CHIC2: variants seen among roughly 807,000 people sequenced by gnomAD.
CHIC2 encodes cysteine-rich hydrophobic domain-containing protein 2.
In CHIC2, 14 loss-of-function variants were observed where a neutral mutation model predicts 25.9. The ratio of observed to expected loss-of-function variants is 0.54; its 90% confidence interval spans 0.36 to 0.85. The LOEUF is 0.85. Ranked by LOEUF, CHIC2 falls within the 40% of genes least tolerant of loss-of-function variation. CHIC2 has a pLI of 0.01. For synonymous variants in CHIC2, 70 were observed against 72.0 expected (o/e 0.97, Z 0.14); for missense variants, 146 against 202.0 (o/e 0.72, Z 1.68).
chr4:54,025,577 G>A (rs988978686), intron 3 of CHIC2, among the ~76,000 whole-genome samples: 1 of 152,138 alleles, frequency 6.6e-6, no homozygotes, highest in Non-Finnish European at 1.5e-5. Flanking sequence ...AAGGGGTAAA[G>A]GCCGGGCGCA....
chr4:54,011,920 G>T (rs1715605386), intron 5 of CHIC2, among the ~76,000 whole-genome samples: 1 of 151,752 alleles, frequency 6.6e-6, no homozygotes, highest in South Asian at 2.1e-4. Flanking sequence ...GTAAGTTAAA[G>T]AAAAGTTGAA....
At chr4:54,051,734 T>C (rs1220558580) in intron 1 of CHIC2, among the ~76,000 whole-genome samples, 2 of 152,178 alleles carry the variant, frequency 1.3e-5, no homozygotes. Flanking sequence ...ACTGTATTTC[T>C]ACCTCGCTTC....
Position 54,064,531 on chromosome 4 carries a change from A to C in CHIC2, c.-231T>G. ...GCAATAACAACAACACAATGTCAAC[A>C]TCCGCCCAGAGGCCGACACCTCCAC... On this transcript the variant is annotated 5_prime_UTR_variant, in exon 1 of 6. The change abolishes an upstream ATG in the 5' untranslated region. Coordinates refer to ENST00000263921, the MANE Select transcript of CHIC2 (RefSeq NM_012110.4). This position sits in a 1 kb window ranked among gnomAD's most constrained non-coding sequence, Gnocchi z 4.2. The C allele has an allele frequency of 1.5e-6, 2 of 1,370,568 alleles. No homozygotes were observed. The highest frequency in any genetic ancestry group is 1.9e-6 in the Non-Finnish European group (2 of 1,066,484). The allele number at this position is 1,370,568 out of a possible 1,614,324, so 84.9% of individuals were successfully genotyped here.
chr4:54,048,526 T>G (rs894955010), intron 3 of CHIC2, among the ~76,000 whole-genome samples: 2 of 152,184 alleles, frequency 1.3e-5, no homozygotes, highest in African/African-American at 4.8e-5. Flanking sequence ...TCCTTTGAGA[T>G]ATTCAGCTAA....
chr4:54,047,534 C>T (rs1321867663), intron 3 of CHIC2, among the ~76,000 whole-genome samples: 1 of 150,890 alleles, frequency 6.6e-6, no homozygotes, highest in African/African-American at 2.4e-5. Flanking sequence ...TCATTCTCAG[C>T]AAACTATCGC....
chr4:54,090,177 T>C, the CHIC2 span, among the ~76,000 whole-genome samples: 1 of 151,882 alleles, frequency 6.6e-6, no homozygotes, highest in African/African-American at 2.4e-5. Flanking sequence ...CACAATTTAA[T>C]TATTTTATTT....
chr4:54,088,026 A>G, the CHIC2 span, among the ~76,000 whole-genome samples: 1 of 152,192 alleles, frequency 6.6e-6, no homozygotes, highest in Non-Finnish European at 1.5e-5. Flanking sequence ...TCAGTGGAAC[A>G]TTTTATTGCC....
chr4:54,065,137 T>C (rs778753293), upstream of CHIC2, among the ~76,000 whole-genome samples: 2 of 152,218 alleles, frequency 1.3e-5, no homozygotes, highest in African/African-American at 2.4e-5. Flanking sequence ...CTGCAAACAT[T>C]TGTGCTCACC....
At chr4:54,084,054 G>C in the CHIC2 span, among the ~76,000 whole-genome samples, 5 of 152,228 alleles carry the variant, frequency 3.3e-5, no homozygotes, top group Admixed American at 1.3e-4. Context: ...CAGTCTCAGA[G>C]TCCATGATGC....
intron 3 of CHIC2, among the ~76,000 whole-genome samples, chr4:54,017,303 A>G (rs1715766863): frequency 6.6e-6 from 1 of 152,232 alleles, no homozygotes; most frequent in African/African-American, 2.4e-5. Context: ...ATCAGAAAAA[A>G]ATATGTATGG....
At chr4:54,046,438 G>C (rs1167275711) in intron 3 of CHIC2, among the ~76,000 whole-genome samples, 1 of 152,092 alleles carries the variant, frequency 6.6e-6, no homozygotes, top group Non-Finnish European at 1.5e-5. Flanking sequence ...GCATGGTACT[G>C]GTACCAAAAC....
the CHIC2 span, among the ~76,000 whole-genome samples, chr4:54,072,189 G>GC: frequency 5.9e-5 from 9 of 151,916 alleles, no homozygotes; most frequent in African/African-American, 2.2e-4. Context: ...TATAGTCCCA[G>GC]CTATTCGGGA....
chr4:54,029,994 A>G lies in CHIC2; in HGVS notation c.331-15875T>C, dbSNP rs935353648. 6.4e-4 allele frequency among the ~76,000 whole-genome samples: 98 copies of G among 152,192 alleles called. 3 individuals carry two copies. Among genetic ancestry groups the G allele is most frequent in the Admixed American group, 6.3e-3 (97 of 15,276 alleles). ...AACCAGAGTAAGTCACAATTATTGG[A>G]TAACTAAACTTGAACTTGAGAGCAA... is the stretch of plus-strand genomic sequence containing the variant. On this transcript the variant is annotated intron_variant, in intron 3 of 5. Transcript: ENST00000263921.
In CHIC2 at chr4:54,049,099, T is replaced by G; in HGVS notation, c.186A>C (p.Glu62Asp). ...PSSLTGKVAPEEFKASINRVN... is the reference protein window; with the variant it reads ...PSSLTGKVAPDEFKASINRVN... ...CTCTGTTGATGCTGGCTTTAAATTC[T>G]TCAGGAGCTACCTAAAGAAAAATTT... is the stretch of plus-strand genomic sequence containing the variant. Residue 62 changes from glutamate to aspartate, a missense_variant, in exon 3 of 6, where the codon GAA (glutamate) becomes GAC (aspartate). Physicochemically the swap from Glu to Asp is conservative, Grantham distance 45. Transcript: ENST00000263921. 1 of 1,603,566 alleles carries G rather than the reference T, an allele frequency of 6.2e-7. No homozygotes were observed. The highest frequency in any genetic ancestry group is 8.5e-7 in the Non-Finnish European group (1 of 1,176,236).
At chr4:54,087,146 A>G in the CHIC2 span, 110 of 793,502 alleles carry the variant, frequency 1.4e-4, no homozygotes, top group Non-Finnish European at 2.1e-4. Context: ...GAGGAAGACC[A>G]GAAAGAACAA....
chr4:54,058,061 C>T (rs1038814340), intron 1 of CHIC2, among the ~76,000 whole-genome samples: 4 of 152,112 alleles, frequency 2.6e-5, no homozygotes, highest in African/African-American at 7.2e-5. Flanking sequence ...ATCTGATAGC[C>T]GCTTTTGATT....
At chr4:54,059,421 A>G (rs1020601525) in intron 1 of CHIC2, among the ~76,000 whole-genome samples, 2 of 152,094 alleles carry the variant, frequency 1.3e-5, no homozygotes, top group Admixed American at 1.3e-4. Flanking sequence ...GTGTACCTGT[A>G]GTTCTAGCTA....
At chr4:54,015,549 G>A (rs1406855164) in intron 3 of CHIC2, among the ~76,000 whole-genome samples, 2 of 152,062 alleles carry the variant, frequency 1.3e-5, no homozygotes, top group Non-Finnish European at 1.5e-5. Flanking sequence ...CAGTTCGGTC[G>A]TTTTGTCCCT....
At chr4:54,033,355 G>A (rs1716292331) in intron 3 of CHIC2, among the ~76,000 whole-genome samples, 2 of 152,026 alleles carry the variant, frequency 1.3e-5, no homozygotes, top group African/African-American at 4.8e-5. Flanking sequence ...TTTTTGGTGA[G>A]GTGTCTGTTC....
Sources: allele counts gnomAD v4.1 joint callset (sites outside exome capture counted in the v4.1 genomes callset), GRCh38; gene constraint gnomAD v4.1.1; non-coding constraint Gnocchi (gnomAD v3.1); transcripts MANE v1.5; gene names NCBI Gene and HGNC (gene_info 2026-07-23, HGNC 2026-07-21).